PCDH7: variants seen among roughly 807,000 people sequenced by gnomAD.
PCDH7 encodes the protein protocadherin-7.
A neutral mutation model predicts 58.9 loss-of-function variants in PCDH7; 17 were observed. The ratio of observed to expected loss-of-function variants is 0.29; its 90% CI spans 0.20 to 0.43. PCDH7 has a LOEUF of 0.43. PCDH7 is among the 20% of genes least tolerant of loss of function. The pLI is 1.00. For synonymous variants in PCDH7, 664 were observed against 616.4 expected (o/e 1.08, Z -1.14); for missense variants, 1,274 against 1,441.0 (o/e 0.88, Z 1.88).
At position 30,761,298 on chromosome 4, in the gene PCDH7, C is replaced by T. The variant is rs1456879438; in HGVS notation, c.70+36702C>T. Among the ~76,000 whole-genome samples the T allele has an allele frequency of 2.0e-5, 3 of 152,264 alleles. No homozygotes were observed. In the South Asian group the frequency reaches 6.2e-4, roughly 32 times the overall value. The stretch of plus-strand genomic sequence containing the variant: ...CATGGGCCAGGAGCTTTCACTTTTA[C>T]AAAGTACACTGGGCTCTTCTTATGA... On this transcript the variant is annotated intron_variant, in intron 1 of 3. Coordinates refer to the PCDH7 transcript ENST00000509759.
chr4:31,003,618 C>T (rs539730104), intron 3 of PCDH7, among the ~76,000 whole-genome samples: 3 of 152,092 alleles, frequency 2.0e-5, no homozygotes, highest in East Asian at 1.9e-4. Flanking sequence ...AAAAAGGTTC[C>T]GATTTGGGGC....
At chr4:30,933,174 A>T (rs1390641927) in intron 2 of PCDH7, among the ~76,000 whole-genome samples, 2 of 151,880 alleles carry the variant, frequency 1.3e-5, no homozygotes. Context: ...CTACAGGCGC[A>T]TGCTACCACA....
chr4:31,082,074 C>T (rs2109270422), intron 3 of PCDH7, among the ~76,000 whole-genome samples: 1 of 152,286 alleles, frequency 6.6e-6, no homozygotes. Flanking sequence ...GCGTGAGTCA[C>T]CATGCCTGGC....
intron 3 of PCDH7, among the ~76,000 whole-genome samples, chr4:31,064,326 T>A (rs528330603): frequency 1.9e-4 from 29 of 152,104 alleles, no homozygotes; most frequent in African/African-American, 6.0e-4. Context: ...TGTTGGCCCA[T>A]GTCCATGCGT....
chr4:31,025,724 A>T (rs1406358881), intron 3 of PCDH7, among the ~76,000 whole-genome samples: 1 of 152,222 alleles, frequency 6.6e-6, no homozygotes, highest in Admixed American at 6.5e-5. Context: ...ATCAAGAACC[A>T]GTTTCTCCAT....
Position 31,043,077 on chromosome 4 carries a change from G to A in PCDH7, c.*7+92862G>A, listed in dbSNP as rs138574646. Among the ~76,000 whole-genome samples, 176 of 152,110 alleles carry A rather than the reference G, an allele frequency of 1.2e-3. 2 individuals are homozygous for A. The South Asian group carries it at 0.018, about 15-fold the overall frequency. On this transcript the variant is annotated intron_variant, in intron 3 of 3. Coordinates refer to the PCDH7 transcript ENST00000509759. ...CATTAATCCATTAATTCATGAATCC[G>A]TGAATGGATTTTTTTCATGGGGGCA...
intron 1 of PCDH7, among the ~76,000 whole-genome samples, chr4:30,842,010 G>A (rs932532722): frequency 2.0e-5 from 3 of 152,052 alleles, no homozygotes; most frequent in Non-Finnish European, 2.9e-5. Flanking sequence ...TTCAGAGAAA[G>A]TGGAAGGAAG....
chr4:30,990,647 G>C (rs1318414032), intron 3 of PCDH7, among the ~76,000 whole-genome samples: 1 of 152,064 alleles, frequency 6.6e-6, no homozygotes, highest in African/African-American at 2.4e-5. Context: ...TAATCCCACA[G>C]ACTTGCTAGA....
At chr4:30,798,322 A>G (rs1577848854) in intron 1 of PCDH7, among the ~76,000 whole-genome samples, 1 of 152,050 alleles carries the variant, frequency 6.6e-6, no homozygotes, top group East Asian at 1.9e-4. Context: ...GAATCAAATA[A>G]CCCTAAATAT....
intron 1 of PCDH7, among the ~76,000 whole-genome samples, chr4:30,882,474 G>C (rs756975526): frequency 3.3e-5 from 5 of 152,074 alleles, no homozygotes; most frequent in Non-Finnish European, 5.9e-5. Flanking sequence ...GCCCAGGCAG[G>C]TCTCCAGCTC....
At chr4:30,786,201 A>G (rs1723368933) in intron 1 of PCDH7, among the ~76,000 whole-genome samples, 1 of 152,040 alleles carries the variant, frequency 6.6e-6, no homozygotes, top group South Asian at 2.1e-4. Context: ...AACTTGCCCC[A>G]ATTTCTATAG....
intron 1 of PCDH7, among the ~76,000 whole-genome samples, chr4:30,898,552 T>C (rs1194955369): frequency 2.6e-5 from 4 of 152,202 alleles, no homozygotes; most frequent in Admixed American, 2.0e-4. Flanking sequence ...ATTCCTCCCC[T>C]AGAATTACTA....
chr4:31,011,637 T>C (rs1163253659), intron 3 of PCDH7, among the ~76,000 whole-genome samples: 1 of 151,962 alleles, frequency 6.6e-6, no homozygotes, highest in Non-Finnish European at 1.5e-5. Flanking sequence ...AAGGCTGGGG[T>C]ATATATGAAT....
intron 3 of PCDH7, among the ~76,000 whole-genome samples, chr4:31,075,338 G>A (rs1318007078): frequency 6.6e-6 from 1 of 152,106 alleles, no homozygotes; most frequent in Non-Finnish European, 1.5e-5. Context: ...GAGATTAAGA[G>A]TAAATAAAAA....
At chr4:30,855,891 ATGGC>A (rs1733386797) in intron 1 of PCDH7, among the ~76,000 whole-genome samples, 1 of 152,148 alleles carries the variant, frequency 6.6e-6, no homozygotes, top group Non-Finnish European at 1.5e-5. Context: ...AATCTGCCGG[ATGGC>A]CATTGCCATC....
At chr4:30,897,133 T>C (rs1262253115) in intron 1 of PCDH7, among the ~76,000 whole-genome samples, 2 of 151,980 alleles carry the variant, frequency 1.3e-5, no homozygotes, top group African/African-American at 4.8e-5. Context: ...CTTGATCTCC[T>C]GACCTCGTCA....
At chr4:31,023,011 A>AC (rs1160273584) in intron 3 of PCDH7, among the ~76,000 whole-genome samples, 7 of 152,200 alleles carry the variant, frequency 4.6e-5, no homozygotes, top group African/African-American at 1.7e-4. Flanking sequence ...TTTGCTCAGA[A>AC]CAAGGGGATT....
chr4:30,995,491 G>A (rs1751815760), intron 3 of PCDH7, among the ~76,000 whole-genome samples: 2 of 151,162 alleles, frequency 1.3e-5, no homozygotes, highest in Non-Finnish European at 2.9e-5. Flanking sequence ...CAGCCTGGGC[G>A]ACAGAGCGAG....
At chr4:30,822,632 T>C (rs80335696) in intron 1 of PCDH7, among the ~76,000 whole-genome samples, 1 of 152,152 alleles carries the variant, frequency 6.6e-6, no homozygotes, top group African/African-American at 2.4e-5. Context: ...TATTTTTTTT[T>C]AGTTAGACAT....
Sources: allele counts gnomAD v4.1 joint callset (sites outside exome capture counted in the v4.1 genomes callset), GRCh38; gene constraint gnomAD v4.1.1; transcripts MANE v1.5; gene names NCBI Gene and HGNC (gene_info 2026-07-23, HGNC 2026-07-21).